Variants in GUCY1A2 observed in about 807,000 individuals in gnomAD.
The protein encoded by GUCY1A2 is guanylate cyclase 1 soluble subunit alpha 2.
Under a neutral mutation model 63.5 loss-of-function variants are expected in GUCY1A2, and 27 were observed. The observed-to-expected ratio is 0.43, with a 90% CI of 0.31 to 0.59. The LOEUF is 0.59. GUCY1A2 is among the 20% of genes least tolerant of loss of function. GUCY1A2 has a pLI of 0.11. For synonymous variants in GUCY1A2, 364 were observed against 343.5 expected (o/e 1.06, Z -0.66); for missense variants, 768 against 913.3 (o/e 0.84, Z 2.05).
chr11:106,964,809 C>T lies in GUCY1A2; in HGVS notation c.487+13810G>A, dbSNP rs1313681410. Among the ~76,000 whole-genome samples the T allele has an allele frequency of 2.5e-4, 38 of 152,186 alleles. 1 individual carries two copies. Among genetic ancestry groups the T allele is most frequent in the Middle Eastern group, 3.4e-3 (1 of 294 alleles). On this transcript the variant is annotated intron_variant, in intron 3 of 7. Transcript: ENST00000526355. Reference sequence around the variant, plus strand: ...CCTGGCTAACGCGGTGAAACCCCATCTCTACTAAAAATACGAAAAAATTAG... The same window carrying T: ...CCTGGCTAACGCGGTGAAACCCCATTTCTACTAAAAATACGAAAAAATTAG...
intron 3 of GUCY1A2, among the ~76,000 whole-genome samples, chr11:106,948,030 C>T (rs1017758951): frequency 3.9e-5 from 6 of 152,032 alleles, no homozygotes; most frequent in African/African-American, 1.4e-4. Flanking sequence ...AAGAAACATG[C>T]AACTTGCTGT....
Position 106,677,585 on chromosome 11 carries a change from CTTGT to C in GUCY1A2, c.*9960_*9963del, listed in dbSNP as rs1176579115. 9 of 208,016 alleles carry C rather than the reference CTTGT, an allele frequency of 4.3e-5. No homozygotes were observed. Among genetic ancestry groups the C allele is most frequent in the African/African-American group, 1.4e-4 (6 of 43,926 alleles). The allele number at this position is 208,016 out of a possible 1,614,324, so 12.9% of individuals were successfully genotyped here. A position where few individuals can be genotyped will look rare whatever the true frequency, so the allele number is the denominator to read the frequency against. ...TCTAATTAGCATATTTATTAAATTT[CTTGT>C]TTGTTTTATCAAAGTTTTGACATGC... On this transcript the variant is annotated 3_prime_UTR_variant, in exon 8 of 8. Transcript: ENST00000526355.
At chr11:106,978,483 C>A in intron 3 of GUCY1A2, 136 bp downstream of exon 3, 1 of 559,802 alleles carries the variant, frequency 1.8e-6, no homozygotes, top group Non-Finnish European at 3.1e-6. Context: ...AGTTAACACC[C>A]ATCACTTCAC....
chr11:106,829,682 G>A (rs1859024762), intron 4 of GUCY1A2, among the ~76,000 whole-genome samples: 1 of 152,158 alleles, frequency 6.6e-6, no homozygotes, highest in African/African-American at 2.4e-5. Flanking sequence ...AGGCTAAGAA[G>A]GGAGTTACAG....
chr11:106,714,077 TA>T (rs1863174751), intron 6 of GUCY1A2, among the ~76,000 whole-genome samples: 3 of 151,902 alleles, frequency 2.0e-5, no homozygotes, highest in Admixed American at 2.0e-4. Context: ...AAGGCTTATC[TA>T]GTTCTATTTC....
chr11:106,963,391 G>T (rs1219335058), intron 3 of GUCY1A2, among the ~76,000 whole-genome samples: 3 of 152,264 alleles, frequency 2.0e-5, no homozygotes, highest in Middle Eastern at 3.4e-3. Flanking sequence ...TTAAGCAATA[G>T]AAGTAGTCAG....
At chr11:106,720,308 C>T (rs1863293555) in intron 6 of GUCY1A2, among the ~76,000 whole-genome samples, 1 of 152,100 alleles carries the variant, frequency 6.6e-6, no homozygotes, top group Non-Finnish European at 1.5e-5. Flanking sequence ...AATGGGACTC[C>T]AAAGGCAAAC....
At chr11:106,792,929 T>C (rs941885062) in intron 5 of GUCY1A2, among the ~76,000 whole-genome samples, 7 of 152,134 alleles carry the variant, frequency 4.6e-5, no homozygotes, top group Non-Finnish European at 8.8e-5. Flanking sequence ...AAAATTAATA[T>C]TGTAAAAATG....
At chr11:106,977,378 T>C (rs1471440995) in intron 3 of GUCY1A2, among the ~76,000 whole-genome samples, 2 of 152,184 alleles carry the variant, frequency 1.3e-5, no homozygotes, top group East Asian at 3.9e-4. Flanking sequence ...ATCCCTGCAG[T>C]TGTTCTAAGA....
Position 106,939,477 on chromosome 11 carries a change from A to G in GUCY1A2, c.1189T>C (p.Ser397Pro), listed in dbSNP as rs1453527438. ...GCACTTACCTTGTCTTTATTTTCAG[A>G]GCCAGAAGCCTCAGGCTTGGTTCTA... ...VIRTKPEASG[S>P]ENKDKVMEVK... Residue 397 changes from serine to proline, a missense_variant, in exon 4 of 8, where the codon TCT (serine) becomes CCT (proline). Ser to Pro is a moderately conservative substitution (Grantham distance 74). Coordinates refer to ENST00000526355, the MANE Select transcript of GUCY1A2 (RefSeq NM_000855.3). 1.3e-6 allele frequency: 2 copies of G among 1,588,066 alleles called. No individual in the cohort carries two copies. Among genetic ancestry groups the G allele is most frequent in the East Asian group, 2.3e-5 (1 of 44,360 alleles).
rs1397625046 is a variant in GUCY1A2, at chr11:106,939,410, A to T, written c.1206+50T>A. 3 of 902,554 alleles carry T rather than the reference A, an allele frequency of 3.3e-6. No individual in the cohort carries two copies. The East Asian group carries it at 7.3e-5, about 22-fold the overall frequency. The allele number at this position is 902,554 out of a possible 1,614,324, so 55.9% of individuals were successfully genotyped here. ...AGCCACCATGTAATTTACTGAAATA[A>T]TTATCCACTCTTCTAGTTCCCATCA... On this transcript the variant is annotated intron_variant, in intron 4 of 7. Transcript: ENST00000526355.
Position 106,683,248 on chromosome 11 carries a change from T to G in GUCY1A2, c.*4301A>C. 4.6e-6 allele frequency: 1 copy of G among 217,692 alleles called. No homozygotes were observed. Among genetic ancestry groups the G allele is most frequent in the Non-Finnish European group, 9.2e-6 (1 of 108,228 alleles). The allele number at this position is 217,692 out of a possible 1,614,324, so 13.5% of individuals were successfully genotyped here. On this transcript the variant is annotated 3_prime_UTR_variant, in exon 8 of 8. Transcript: ENST00000526355. ...ATGACATAATTTTTGTAGCTGAAGG[T>G]CTATAATCTAATAGTAGAAAAAACT...
At chr11:106,794,099 T>C (rs943657530) in intron 5 of GUCY1A2, among the ~76,000 whole-genome samples, 3 of 152,156 alleles carry the variant, frequency 2.0e-5, no homozygotes, top group Non-Finnish European at 4.4e-5. Flanking sequence ...TCAACCTGTG[T>C]CTATCAACAG....
chr11:106,810,495 G>C lies in GUCY1A2; in HGVS notation c.1207-17C>G. The C allele has an allele frequency of 6.3e-7, 1 of 1,581,088 alleles. No homozygotes were observed. The highest frequency in any genetic ancestry group is 1.1e-5 in the South Asian group (1 of 87,056). ...TTCCATCACCTGTGAAATTAACATGGAATTTTGATCAGTACTCTTCACATA... is the reference window on the plus strand; with the variant it reads ...TTCCATCACCTGTGAAATTAACATGCAATTTTGATCAGTACTCTTCACATA... On this transcript the variant is annotated splice_polypyrimidine_tract_variant and intron_variant, in intron 4 of 7. Transcript: ENST00000526355.
In GUCY1A2 at chr11:106,944,215, C is replaced by CAAAAAAAAAAAAAAAAAAAAAAAAAAAA. The variant is rs71041701; in HGVS notation, c.488-4038_488-4037insTTTTTTTTTTTTTTTTTTTTTTTTTTTT. Among the ~76,000 whole-genome samples, 14 of 21,580 alleles carry CAAAAAAAAAAAAAAAAAAAAAAAAAAAA rather than the reference C, an allele frequency of 6.5e-4. 1 individual carries two copies. The highest frequency in any genetic ancestry group is 1.4e-3 in the African/African-American group (6 of 4,300). 14.2% of individuals were successfully genotyped at this position (21,580 alleles called of 152,430 possible). On this transcript the variant is annotated intron_variant, in intron 3 of 7. Transcript: ENST00000526355. ...GGGCAACAGAGTGAGACCCTGTCTCCAAAAAAAAAAAAAAAAAAAAAGCAG... is the reference window on the plus strand; with the variant it reads ...GGGCAACAGAGTGAGACCCTGTCTCCAAAAAAAAAAAAAAAAAAAAAAAAAAAAAAAAAAAAAAAAAAAAAAAAAGCAG...
chr11:106,785,900 G>T lies in GUCY1A2; in HGVS notation c.1693-9318C>A, dbSNP rs563223915. ...CCTTTTTTTTTTTTTAAAGAGCAGT[G>T]GCTTTCAGAAAGGAGAAAAGCACTT... On this transcript the variant is annotated intron_variant, in intron 5 of 7. Coordinates refer to ENST00000526355, the MANE Select transcript of GUCY1A2 (RefSeq NM_000855.3). Among the ~76,000 whole-genome samples the T allele has an allele frequency of 4.7e-5, 7 of 149,138 alleles. No individual in the cohort carries two copies. The East Asian group carries it at 1.2e-3, about 25-fold the overall frequency.
chr11:106,982,253 T>A (rs1009189866), intron 2 of GUCY1A2, among the ~76,000 whole-genome samples: 7 of 152,100 alleles, frequency 4.6e-5, no homozygotes, highest in African/African-American at 1.7e-4. Flanking sequence ...AAGAATTATA[T>A]CAGAAAAAAA....
intron 6 of GUCY1A2, among the ~76,000 whole-genome samples, chr11:106,722,570 G>A (rs1863334833): frequency 6.6e-6 from 1 of 151,966 alleles, no homozygotes; most frequent in African/African-American, 2.4e-5. Context: ...ACTAGAATAT[G>A]TCACTTGATT....
intron 4 of GUCY1A2, among the ~76,000 whole-genome samples, chr11:106,908,586 T>C (rs750743652): frequency 1.3e-5 from 2 of 150,782 alleles, no homozygotes; most frequent in Non-Finnish European, 3.0e-5. Flanking sequence ...AGAGAGAGGA[T>C]GATAAAGGGT....
Sources: gnomAD v4.1 joint callset for allele counts (sites outside exome capture counted in the v4.1 genomes callset) on GRCh38, gnomAD v4.1.1 for gene constraint, MANE v1.5 for transcripts, NCBI Gene and HGNC (gene_info 2026-07-23, HGNC 2026-07-21) for gene names.